Variants in SPATA31E1 observed in about 807,000 individuals in gnomAD.
SPATA31E1 encodes spermatogenesis-associated protein 31E1.
SPATA31E1 carries 7 observed loss-of-function variants against 12.9 expected under a neutral mutation model. That is an observed-to-expected ratio of 0.54 (90% CI 0.31 to 1.02). The LOEUF (loss-of-function observed/expected upper bound fraction) is 1.02. SPATA31E1 is among the 50% of genes least tolerant of loss of function. SPATA31E1 has a pLI of 0.05. For missense variants in SPATA31E1, 1,961 were observed against 1,799.8 expected, an observed-to-expected ratio of 1.09 and a Z score of -1.62; for synonymous variants, 771 against 719.0, an observed-to-expected ratio of 1.07 and a Z score of -1.16.
chr9:87,886,986 G>T lies in SPATA31E1; in HGVS notation c.2499G>T (p.Gln833His). ...ELSFLHPCTQ[Q>H]ILEVHLVRFC... ...CCTTCCTCCATCCCTGCACCCAGCA[G>T]ATACTGGAAGTACATCTTGTAAGGT... is the stretch of plus-strand genomic sequence containing the variant. The change falls in exon 4 of 4, where the codon CAG becomes CAT. Residue 833 changes from glutamine (Q) to histidine (H), a missense_variant. Gln to His is a conservative substitution (Grantham distance 24). Transcript: ENST00000325643. The T allele has an allele frequency of 6.2e-7, 1 of 1,614,154 alleles. No individual in the cohort carries two copies. The highest frequency in any genetic ancestry group is 8.5e-7 in the Non-Finnish European group (1 of 1,180,030).
Position 87,887,884 on chromosome 9 carries a change from C to A in SPATA31E1, c.3397C>A (p.Arg1133Ser). The part of the protein sequence containing the change: ...DGATGLCLPG[R>S]HMDMLTAADR... ...CGCCACAGGCCTGTGCCTTCCAGGC[C>A]GCCACATGGACATGCTCACTGCCGC... Residue 1133 changes from arginine to serine, a missense_variant, in exon 4 of 4, where the codon CGC becomes AGC. Transcript: ENST00000325643. 6.2e-7 allele frequency: 1 copy of A among 1,613,834 alleles called. No individual in the cohort carries two copies. Among genetic ancestry groups the A allele is most frequent in the Non-Finnish European group, 8.5e-7 (1 of 1,180,040 alleles).
chr9:87,887,237 G>A lies in SPATA31E1; in HGVS notation c.2750G>A (p.Ser917Asn), dbSNP rs138100635. Residue 917 changes from serine to asparagine, a missense_variant, in exon 4 of 4, where the codon AGT (serine) becomes AAT (asparagine). Coordinates refer to ENST00000325643, the MANE Select transcript of SPATA31E1 (RefSeq NM_178828.5). ...RTTSKSVPTV[S>N]GPLAAPPPEQ... ...ACAAGCAAGTCAGTCCCGACCGTGAGTGGCCCTCTCGCTGCCCCACCGCCT... is the reference window on the plus strand; with the variant it reads ...ACAAGCAAGTCAGTCCCGACCGTGAATGGCCCTCTCGCTGCCCCACCGCCT... The A allele has an allele frequency of 2.5e-4, 402 of 1,614,036 alleles. 1 individual carries two copies. In the African/African-American group the frequency reaches 5.0e-3, roughly 20 times the overall value.
chr9:87,883,102 A>T lies in SPATA31E1; in HGVS notation c.211A>T (p.Thr71Ser), dbSNP rs956147537. The T allele has an allele frequency of 8.7e-6, 14 of 1,609,306 alleles. No homozygotes were observed. Among genetic ancestry groups the T allele is most frequent in the South Asian group, 1.1e-5 (1 of 89,820 alleles). Reference protein sequence around the residue: ...STPWMMDFILTSVCGLVLLFL... With the variant: ...STPWMMDFILSSVCGLVLLFL... ...TCCCTGGATGATGGATTTCATCCTCACCAGTGTGTGTGGCCTAGTGCTCCT... is the reference window on the plus strand; with the variant it reads ...TCCCTGGATGATGGATTTCATCCTCTCCAGTGTGTGTGGCCTAGTGCTCCT... The change falls in exon 1 of 4, where the codon ACC becomes TCC. Residue 71 changes from threonine to serine, a missense_variant. Transcript: ENST00000325643.
chr9:87,883,940 G>C, intron 1 of SPATA31E1, 52 bp from the exon 2 acceptor site: 1 of 1,564,304 alleles, frequency 6.4e-7, no homozygotes, highest in East Asian at 2.4e-5. Flanking sequence ...GCTGGTCTGG[G>C]GAGAGGAGAC....
In SPATA31E1 at chr9:87,888,333, G is replaced by A. The variant is rs751644930; in HGVS notation, c.3846G>A (p.Arg1282=). ...TACACCCCAGGAAAGGAGGCACACGGTGGGAAGATGTCCTGCAGAAAGGCA... is the reference window on the plus strand; with the variant it reads ...TACACCCCAGGAAAGGAGGCACACGATGGGAAGATGTCCTGCAGAAAGGCA... ...QGLHPRKGGT[R]WEDVLQKGKP... Residue 1282 remains arginine (R), a synonymous_variant, in exon 4 of 4, where the codon CGG becomes CGA. Transcript: ENST00000325643. 5 of 1,614,192 alleles carry A rather than the reference G, an allele frequency of 3.1e-6. No homozygotes were observed. The highest frequency in any genetic ancestry group is 1.7e-5 in the Admixed American group (1 of 60,036).
Position 87,886,244 on chromosome 9 carries a change from A to G in SPATA31E1, c.1757A>G (p.Lys586Arg), listed in dbSNP as rs766568014. ...AAGAGGGTTTTGCCCTCTCTCCTCA[A>G]AAAGTCTCAGGCTGTTCTGAGCCAG... ...KWKRVLPSLL[K>R]KSQAVLSQPT... is the part of the protein sequence containing the mutation. The change falls in exon 4 of 4, where the codon AAA becomes AGA. Residue 586 changes from lysine (K) to arginine (R), a missense_variant. Coordinates refer to ENST00000325643, the MANE Select transcript of SPATA31E1 (RefSeq NM_178828.5). 2 of 1,613,828 alleles carry G rather than the reference A, an allele frequency of 1.2e-6. No individual in the cohort carries two copies. The highest frequency in any genetic ancestry group is 1.3e-5 in the African/African-American group (1 of 74,902).
rs1011467137 is a variant in SPATA31E1, at chr9:87,884,264, G to C, written c.364+218G>C. Among the ~76,000 whole-genome samples, 39 of 152,222 alleles carry C rather than the reference G, an allele frequency of 2.6e-4. 1 individual carries two copies. The highest frequency in any genetic ancestry group is 8.4e-4 in the African/African-American group (35 of 41,452). On this transcript the variant is annotated intron_variant, in intron 2 of 3. Transcript: ENST00000325643. Reference sequence around the variant, plus strand: ...AGGGACCAAGGCCTGCCTGGATATGGGGGGAGGTCAGGGAGGCTCCAGGTC... The same window carrying C: ...AGGGACCAAGGCCTGCCTGGATATGCGGGGAGGTCAGGGAGGCTCCAGGTC...
intron 1 of SPATA31E1, among the ~76,000 whole-genome samples, chr9:87,883,454 G>A (rs891972554): frequency 6.6e-6 from 1 of 152,164 alleles, no homozygotes; most frequent in African/African-American, 2.4e-5. Context: ...GGAGAGGGGT[G>A]AGGTCTCTGT....
In SPATA31E1 at chr9:87,885,061, C is replaced by T. The variant is rs748794374; in HGVS notation, c.574C>T (p.Pro192Ser). ...TCCGTCTCCTGCCAGCTTGTCCCCACCAGCTCCCCCAGCTCCTCTGGCCTC... is the reference window on the plus strand; with the variant it reads ...TCCGTCTCCTGCCAGCTTGTCCCCATCAGCTCCCCCAGCTCCTCTGGCCTC... The part of the protein sequence containing the change: ...QDPSPASLSP[P>S]APPAPLASTL... Residue 192 changes from proline (P) to serine (S), a missense_variant, in exon 4 of 4, where the codon CCA becomes TCA. Coordinates refer to ENST00000325643, the MANE Select transcript of SPATA31E1 (RefSeq NM_178828.5). 6.2e-7 allele frequency: 1 copy of T among 1,614,180 alleles called. No individual in the cohort carries two copies. Among genetic ancestry groups the T allele is most frequent in the South Asian group, 1.1e-5 (1 of 91,086 alleles).
Position 87,886,429 on chromosome 9 carries a change from C to T in SPATA31E1, c.1942C>T (p.Gln648Ter). Residue 648 changes from glutamine (Q) to a stop codon, truncating the protein, a stop_gained, in exon 4 of 4, where the codon CAG becomes TAG. Coordinates refer to ENST00000325643, the MANE Select transcript of SPATA31E1 (RefSeq NM_178828.5). LOFTEE classifies it low-confidence loss of function (END_TRUNC). ...EQSCGPPSRL[Q>*]ASGDLLQPDG... is the part of the protein sequence containing the mutation. ...GTCCTGTGGCCCTCCCAGCAGATTG[C>T]AGGCATCTGGGGACCTGCTACAGCC... is the stretch of plus-strand genomic sequence containing the variant. The T allele has an allele frequency of 6.2e-7, 1 of 1,613,958 alleles. No individual in the cohort carries two copies. The highest frequency in any genetic ancestry group is 8.5e-7 in the Non-Finnish European group (1 of 1,179,992).
At position 87,886,080 on chromosome 9, in the gene SPATA31E1, C is replaced by T. The variant is rs781164927; in HGVS notation, c.1593C>T (p.Val531=). ...CCCAGGCCCACCTCTCACCCCCTGT[C>T]CCAAGCCTGGGGTGCTCTTCTCCAC... ...IQTQAHLSPP[V]PSLGCSSPPQ... is the part of the protein sequence containing the mutation. The change falls in exon 4 of 4, where the codon GTC becomes GTT. Residue 531 remains valine (V), a synonymous_variant. Transcript: ENST00000325643. 7 of 1,610,464 alleles carry T rather than the reference C, an allele frequency of 4.3e-6. No individual in the cohort carries two copies. The highest frequency in any genetic ancestry group is 5.9e-6 in the Non-Finnish European group (7 of 1,177,946).
intron 2 of SPATA31E1, among the ~76,000 whole-genome samples, 183 bp downstream of exon 2, chr9:87,884,229 G>A (rs1164701994): frequency 6.6e-6 from 1 of 152,222 alleles, no homozygotes; most frequent in Admixed American, 6.5e-5. Context: ...ATAAGGGGGC[G>A]GTGTGGGGAA....
Position 87,885,229 on chromosome 9 carries a change from C to A in SPATA31E1, c.742C>A (p.Pro248Thr), listed in dbSNP as rs781621731. ...PHVVFPPSPQ[P>T]HGPLASSPPP... ...TGTGGTTTTTCCTCCTTCACCACAG[C>A]CGCATGGTCCCCTGGCCTCCTCTCC... The change falls in exon 4 of 4, where the codon CCG (proline) becomes ACG (threonine). Residue 248 changes from proline (P) to threonine (T), a missense_variant. Coordinates refer to ENST00000325643, the MANE Select transcript of SPATA31E1 (RefSeq NM_178828.5). 2 of 1,614,014 alleles carry A rather than the reference C, an allele frequency of 1.2e-6. No individual in the cohort carries two copies. Among genetic ancestry groups the A allele is most frequent in the African/African-American group, 2.7e-5 (2 of 74,922 alleles).
rs759590539 is a variant in SPATA31E1, at chr9:87,886,453, C to A, written c.1966C>A (p.Pro656Thr). Reference sequence around the variant, plus strand: ...GCAGGCATCTGGGGACCTGCTACAGCCTGATGGGGAATTCCCAGGGAGGCC... The same window carrying A: ...GCAGGCATCTGGGGACCTGCTACAGACTGATGGGGAATTCCCAGGGAGGCC... The part of the protein sequence containing the change: ...RLQASGDLLQ[P>T]DGEFPGRPQS... Residue 656 changes from proline (P) to threonine (T), a missense_variant, in exon 4 of 4, where the codon CCT becomes ACT. Physicochemically the swap from Pro to Thr is conservative, Grantham distance 38. Transcript: ENST00000325643. 1.2e-6 allele frequency: 2 copies of A among 1,613,912 alleles called. No homozygotes were observed. Among genetic ancestry groups the A allele is most frequent in the East Asian group, 4.5e-5 (2 of 44,848 alleles).
At position 87,883,186 on chromosome 9, in the gene SPATA31E1, A is replaced by C; in HGVS notation, c.295A>C (p.Arg99=). 1 of 1,578,854 alleles carries C rather than the reference A, an allele frequency of 6.3e-7. No homozygotes were observed. The highest frequency in any genetic ancestry group is 8.6e-7 in the Non-Finnish European group (1 of 1,158,370). Residue 99 remains arginine (R), a synonymous_variant, in exon 1 of 4, where the codon AGG becomes CGG. Transcript: ENST00000325643. The part of the protein sequence containing the change: ...DPPSPPPGRK[R]SSREPQRERS... Reference sequence around the variant, plus strand: ...ACCCTCACCCCCGCCCGGGAGGAAGAGGAGCAGCAGGGAGGTAAGGAGTCC... The same window carrying C: ...ACCCTCACCCCCGCCCGGGAGGAAGCGGAGCAGCAGGGAGGTAAGGAGTCC...
chr9:87,887,752 C>T lies in SPATA31E1; in HGVS notation c.3265C>T (p.Gln1089Ter), dbSNP rs1326959288. Residue 1089 changes from glutamine (Q) to a stop codon, truncating the protein, a stop_gained, in exon 4 of 4, where the codon CAG becomes TAG. Transcript: ENST00000325643. LOFTEE classifies it low-confidence loss of function (END_TRUNC). Reference protein sequence around the residue: ...SSVCVAQDPEQLHLKAQVVSE... With the variant: ...SSVCVAQDPE ...AGTCTGTGTTGCTCAGGATCCAGAG[C>T]AGCTGCACCTGAAAGCGCAGGTGGT... is the stretch of plus-strand genomic sequence containing the variant. 1.9e-6 allele frequency: 3 copies of T among 1,613,948 alleles called. No individual in the cohort carries two copies. The East Asian group carries it at 6.7e-5, about 36-fold the overall frequency.
At chr9:87,883,288 C>T in intron 1 of SPATA31E1, 88 bp downstream of exon 1, 1 of 1,392,022 alleles carries the variant, frequency 7.2e-7, no homozygotes, top group Non-Finnish European at 9.6e-7. Flanking sequence ...AATGTGAGAC[C>T]CTTCTGTGAT....
Position 87,884,046 on chromosome 9 carries a change from G to C in SPATA31E1, c.364G>C (p.Ala122Pro), listed in dbSNP as rs760126322. The C allele has an allele frequency of 6.2e-7, 1 of 1,600,738 alleles. No homozygotes were observed. Among genetic ancestry groups the C allele is most frequent in the Non-Finnish European group, 8.5e-7 (1 of 1,172,530 alleles). The change falls in exon 2 of 4, where the codon GCT becomes CCT. Residue 122 changes from alanine to proline, a missense_variant and splice_region_variant. Transcript: ENST00000325643. Reference sequence around the variant, plus strand: ...GAGCAGGAAGATCTCAGCTCTGAAAGGTGAGGCTCTGCTGCCCCCCGGGAC... The same window carrying C: ...GAGCAGGAAGATCTCAGCTCTGAAACGTGAGGCTCTGCTGCCCCCCGGGAC... ...SRSRKISALKACRILLRELEE... is the reference protein window; with the variant it reads ...SRSRKISALKPCRILLRELEE...
Position 87,887,207 on chromosome 9 carries a change from G to C in SPATA31E1, c.2720G>C (p.Arg907Thr), listed in dbSNP as rs1205460064. The change falls in exon 4 of 4, where the codon AGA becomes ACA. Residue 907 changes from arginine to threonine, a missense_variant. Transcript: ENST00000325643. The part of the protein sequence containing the change: ...KRPQNGPGDN[R>T]TTSKSVPTVS... ...CCTCAGAATGGTCCAGGAGACAACA[G>C]AACAACAAGCAAGTCAGTCCCGACC... is the stretch of plus-strand genomic sequence containing the variant. The C allele has an allele frequency of 3.1e-6, 5 of 1,613,992 alleles. No homozygotes were observed. Among genetic ancestry groups the C allele is most frequent in the African/African-American group, 1.3e-5 (1 of 74,934 alleles).
Sources: gnomAD v4.1 joint callset for allele counts (sites outside exome capture counted in the v4.1 genomes callset) on GRCh38, gnomAD v4.1.1 for gene constraint, MANE v1.5 for transcripts, NCBI Gene and HGNC (gene_info 2026-07-23, HGNC 2026-07-21) for gene names.